The following PATJ variants were observed in gnomAD, a reference collection of about 807,000 sequenced individuals.
The protein encoded by PATJ is inaD-like protein.
A neutral mutation model predicts 224.9 loss-of-function variants in PATJ; 190 were observed. That is an observed-to-expected ratio of 0.84 (90% CI 0.75 to 0.95). The LOEUF is 0.95. Among genes scored for constraint, PATJ ranks in the 40% least tolerant of loss-of-function variants. The pLI is 0.00. For missense variants in PATJ, 2,121 were observed against 2,270.3 expected, an observed-to-expected ratio of 0.93 and a Z score of 1.34; for synonymous variants, 769 against 820.3, an observed-to-expected ratio of 0.94 and a Z score of 1.07.
intron 31 of PATJ, among the ~76,000 whole-genome samples, chr1:62,060,527 T>A (rs766830659): frequency 2.0e-5 from 3 of 151,610 alleles, no homozygotes; most frequent in Non-Finnish European, 4.4e-5. Flanking sequence ...AGTACCATAC[T>A]TGGCTAATTT....
At chr1:62,055,837 GT>G (rs1654444866) in intron 31 of PATJ, among the ~76,000 whole-genome samples, 1 of 152,184 alleles carries the variant, frequency 6.6e-6, no homozygotes, top group Admixed American at 6.5e-5. Context: ...CGTCTCACGT[GT>G]TATGGAGCCT....
At chr1:61,861,818 C>T (rs1043618604) in intron 19 of PATJ, 151 bp downstream of exon 19, 2 of 486,036 alleles carry the variant, frequency 4.1e-6, no homozygotes, top group Non-Finnish European at 7.4e-6. Flanking sequence ...AAAGCTTGTC[C>T]CCATCCCTGG....
At chr1:61,873,343 AT>A (rs930457446) in intron 20 of PATJ, among the ~76,000 whole-genome samples, 44 of 151,660 alleles carry the variant, frequency 2.9e-4, no homozygotes, top group Non-Finnish European at 1.0e-4. Context: ...AGTTTTTATA[AT>A]TTTTTTGTAG....
chr1:61,906,281 A>AG (rs1671845738), intron 24 of PATJ, among the ~76,000 whole-genome samples: 1 of 152,148 alleles, frequency 6.6e-6, no homozygotes, highest in African/African-American at 2.4e-5. Context: ...GAAGCTCATC[A>AG]AATCTTGTTG....
At chr1:61,754,529 T>C (rs1467529490) in intron 1 of PATJ, among the ~76,000 whole-genome samples, 1 of 146,230 alleles carries the variant, frequency 6.8e-6, no homozygotes, top group East Asian at 2.0e-4. Context: ...TGTTTTTTTT[T>C]TTTTTTTTTT....
In PATJ at chr1:62,121,217, T is replaced by A; in HGVS notation, c.4927T>A (p.Ser1643Thr). Residue 1643 changes from serine to threonine, a missense_variant, in exon 38 of 44, where the codon TCC becomes ACC. Ser to Thr is a moderately conservative substitution (Grantham distance 58, BLOSUM62 1). Transcript: ENST00000642238. ...QQSAHSSCHP[S>T]FAPVITGLQN... ...GAGTGCACACAGCAGCTGTCATCCC[T>A]CCTTCGCTCCTGTCATCACTGGCCT... is the stretch of plus-strand genomic sequence containing the variant. The A allele has an allele frequency of 6.2e-7, 1 of 1,613,944 alleles. No individual in the cohort carries two copies. Among genetic ancestry groups the A allele is most frequent in the South Asian group, 1.1e-5 (1 of 91,058 alleles).
chr1:62,094,470 C>T (rs901180832), intron 33 of PATJ, among the ~76,000 whole-genome samples: 4 of 151,522 alleles, frequency 2.6e-5, no homozygotes, highest in Non-Finnish European at 5.9e-5. Context: ...GTCTCAAACT[C>T]CTGGGCTCAA....
chr1:62,124,422 G>A (rs998380971), intron 39 of PATJ, among the ~76,000 whole-genome samples: 4 of 152,122 alleles, frequency 2.6e-5, no homozygotes. Flanking sequence ...ACCTAAATGA[G>A]GGGTTCAAGA....
At chr1:62,030,228 C>A (rs1648954856) in intron 29 of PATJ, among the ~76,000 whole-genome samples, 1 of 152,100 alleles carries the variant, frequency 6.6e-6, no homozygotes, top group Non-Finnish European at 1.5e-5. Context: ...GATGTAGCAC[C>A]TGGAAGTTTA....
At chr1:61,924,737 T>C (rs1412332581) in intron 26 of PATJ, among the ~76,000 whole-genome samples, 1 of 152,216 alleles carries the variant, frequency 6.6e-6, no homozygotes, top group Non-Finnish European at 1.5e-5. Flanking sequence ...AGGAAAATAT[T>C]TCACACTCAA....
Position 62,071,705 on chromosome 1 carries a change from C to T in PATJ, c.4126-7745C>T, listed in dbSNP as rs186568960. Among the ~76,000 whole-genome samples the T allele has an allele frequency of 1.3e-3, 198 of 152,266 alleles. 3 individuals are homozygous for T. The Middle Eastern group carries it at 0.02, about 16-fold the overall frequency. Reference sequence around the variant, plus strand: ...CCATATTGGCCAGGCTGGTCTCGAACTCCTGACCTCAGGTGATCCACCGCC... The same window carrying T: ...CCATATTGGCCAGGCTGGTCTCGAATTCCTGACCTCAGGTGATCCACCGCC... On this transcript the variant is annotated intron_variant, in intron 31 of 43. Transcript: ENST00000642238.
At chr1:62,133,270 A>G (rs1174540153) in intron 41 of PATJ, among the ~76,000 whole-genome samples, 3 of 152,180 alleles carry the variant, frequency 2.0e-5, no homozygotes, top group Non-Finnish European at 4.4e-5. Context: ...TGTACACACA[A>G]AAAAGAAATA....
intron 27 of PATJ, among the ~76,000 whole-genome samples, chr1:61,937,650 CTT>C (rs370155855): frequency 7.5e-6 from 1 of 133,044 alleles, no homozygotes. Flanking sequence ...CTTTCTTCTT[CTT>C]TTTTTTTTTT....
intron 34 of PATJ, among the ~76,000 whole-genome samples, chr1:62,112,767 C>T (rs746024299): frequency 6.6e-6 from 1 of 152,226 alleles, no homozygotes; most frequent in African/African-American, 2.4e-5. Flanking sequence ...CAAGGTTACT[C>T]TGCTCCTCGA....
intron 27 of PATJ, among the ~76,000 whole-genome samples, chr1:61,978,456 G>A (rs990344036): frequency 1.3e-5 from 2 of 151,864 alleles, no homozygotes; most frequent in Admixed American, 6.6e-5. Context: ...GTAGAGAGGG[G>A]GTTGCTCCGT....
In PATJ at chr1:62,038,896, G is replaced by A. The variant is rs912033827; in HGVS notation, c.4032+847G>A. ...AGATACAATGAAGAATCCCTCCATTGTTGGAGTCCTGTGCACAGATTCACT... is the reference window on the plus strand; with the variant it reads ...AGATACAATGAAGAATCCCTCCATTATTGGAGTCCTGTGCACAGATTCACT... On this transcript the variant is annotated intron_variant, in intron 30 of 43. Coordinates refer to ENST00000642238, the MANE Select transcript of PATJ (RefSeq NM_001350145.3). 9.1e-6 allele frequency: 8 copies of A among 875,068 alleles called. No individual in the cohort carries two copies. In the African/African-American group the frequency reaches 1.3e-4, roughly 14 times the overall value. 54.2% of individuals were successfully genotyped at this position (875,068 alleles called of 1,614,324 possible).
chr1:61,911,001 A>G (rs1041637114), intron 25 of PATJ, among the ~76,000 whole-genome samples: 3 of 152,182 alleles, frequency 2.0e-5, no homozygotes, highest in African/African-American at 4.8e-5. Flanking sequence ...ATTTTTATCT[A>G]GTTTACATTA....
At chr1:62,149,357 G>A (rs1427438558) in intron 42 of PATJ, among the ~76,000 whole-genome samples, 1 of 152,098 alleles carries the variant, frequency 6.6e-6, no homozygotes, top group Non-Finnish European at 1.5e-5. Context: ...GTCACTAGTA[G>A]GTGCTCAATA....
chr1:62,055,388 T>C (rs1261437040), intron 31 of PATJ, among the ~76,000 whole-genome samples: 1 of 152,212 alleles, frequency 6.6e-6, no homozygotes, highest in Non-Finnish European at 1.5e-5. Context: ...TTTGAAGTGG[T>C]ATAATTAAAT....
Sources: gnomAD v4.1 joint callset for allele counts (sites outside exome capture counted in the v4.1 genomes callset) on GRCh38, gnomAD v4.1.1 for gene constraint, MANE v1.5 for transcripts, NCBI Gene and HGNC (gene_info 2026-07-23, HGNC 2026-07-21) for gene names.